Variants in COL6A5 observed in about 807,000 individuals in gnomAD.
The protein encoded by COL6A5 is collagen alpha-5(VI) chain.
COL6A5 carries 48 observed loss-of-function variants against 65.6 expected under a neutral mutation model. The ratio of observed to expected loss-of-function variants is 0.73; its 90% CI spans 0.58 to 0.93. COL6A5 has a LOEUF of 0.93. Ranked by LOEUF, COL6A5 falls within the 40% of genes least tolerant of loss-of-function variation. COL6A5 has a pLI of 0.00. For synonymous variants in COL6A5, 291 were observed against 322.8 expected, an observed-to-expected ratio of 0.90 and a Z score of 1.05; for missense variants, 914 against 928.3, an observed-to-expected ratio of 0.98 and a Z score of 0.20.
At chr3:130,424,414 A>T (rs1307494871) in intron 29 of COL6A5, among the ~76,000 whole-genome samples, 2 of 152,018 alleles carry the variant, frequency 1.3e-5, no homozygotes, top group Non-Finnish European at 2.9e-5. Context: ...CATATCTCCC[A>T]CTGACGAAAT....
rs75411653 is a variant in COL6A5 at position 130,366,104 on chromosome 3, G to A, written c.-28-7507G>A. The stretch of plus-strand genomic sequence containing the variant: ...ATTTGGGGCCTTCATGATTTGGATG[G>A]CAGCTGTGGTCCAATGTCATTTATT... On this transcript the variant is annotated intron_variant and NMD_transcript_variant, in intron 1 of 41. Transcript: ENST00000312481. Among the ~76,000 whole-genome samples, 1,265 of 152,268 alleles carry A rather than the reference G, an allele frequency of 8.3e-3. 17 individuals are homozygous for A. The highest frequency in any genetic ancestry group is 0.029 in the African/African-American group (1,208 of 41,538).
At chr3:130,481,433 T>C (rs1409535233) in intron 7 of COL6A5, among the ~76,000 whole-genome samples, 1 of 152,214 alleles carries the variant, frequency 6.6e-6, no homozygotes, top group African/African-American at 2.4e-5. Flanking sequence ...ATTTTCTTTA[T>C]CCAATCTATC....
intron 1 of COL6A5, among the ~76,000 whole-genome samples, chr3:130,367,319 T>C (rs1935377708): frequency 6.6e-6 from 1 of 152,236 alleles, no homozygotes; most frequent in African/African-American, 2.4e-5. Flanking sequence ...TGTAGACACC[T>C]CTCTACCTGG....
At chr3:130,473,918 T>C (rs1291960370) in intron 7 of COL6A5, among the ~76,000 whole-genome samples, 1 of 152,118 alleles carries the variant, frequency 6.6e-6, no homozygotes, top group Non-Finnish European at 1.5e-5. Flanking sequence ...TTCTTTTGTC[T>C]TAAGTTTTCA....
intron 5 of COL6A5, among the ~76,000 whole-genome samples, chr3:130,464,988 C>G (rs535502967): frequency 1.8e-4 from 27 of 152,166 alleles, no homozygotes; most frequent in Non-Finnish European, 3.7e-4. Flanking sequence ...GTTGGATTTA[C>G]CTCACAACTG....
rs369544760 is a variant in COL6A5, at chr3:130,440,409, G to A, written c.827G>A (p.Gly276Asp). ...TGGGAAAGTTCCAGGAGAAAGATGG[G>A]TACAGTAAAAACAGAGTTTGATTTC... is the stretch of plus-strand genomic sequence containing the variant. Residue 276 changes from glycine (G) to aspartate (D), a missense_variant, in exon 3 of 8, where the codon GGT (glycine) becomes GAT (aspartate). Coordinates refer to ENST00000512836, the Ensembl canonical transcript of COL6A5. The A allele has an allele frequency of 1.9e-6, 3 of 1,613,466 alleles. No individual in the cohort carries two copies. Among genetic ancestry groups the A allele is most frequent in the East Asian group, 2.2e-5 (1 of 44,810 alleles).
intron 4 of COL6A5, among the ~76,000 whole-genome samples, chr3:130,453,118 A>G (rs933676076): frequency 6.6e-6 from 1 of 152,124 alleles, no homozygotes; most frequent in African/African-American, 2.4e-5. Flanking sequence ...CAATCATCAC[A>G]GCGTCCTGAG....
chr3:130,405,704 C>T (rs952042300), intron 14 of COL6A5, 45 bp downstream of exon 14: 8 of 1,384,952 alleles, frequency 5.8e-6, no homozygotes, highest in Non-Finnish European at 8.0e-6. Flanking sequence ...CTGTAACATT[C>T]TCTCCCTCTC....
intron 4 of COL6A5, among the ~76,000 whole-genome samples, chr3:130,449,895 CAGAGGT>C (rs752564604): frequency 5.3e-5 from 8 of 152,114 alleles, no homozygotes; most frequent in Non-Finnish European, 1.0e-4. Flanking sequence ...ATTCCTTTAG[CAGAGGT>C]AGATGCTCTA....
At chr3:130,403,562 T>C (rs750390980) in intron 12 of COL6A5, 47 bp from the exon 13 acceptor site, 1 of 1,391,066 alleles carries the variant, frequency 7.2e-7, no homozygotes, top group South Asian at 1.3e-5. Context: ...AGTTTGACTT[T>C]ATTGGGGGGG....
intron 2 of COL6A5, among the ~76,000 whole-genome samples, chr3:130,374,614 T>A (rs901085233): frequency 6.6e-6 from 1 of 151,994 alleles, no homozygotes. Context: ...CCCCCACACC[T>A]GGCTAATTTT....
At chr3:130,404,807 C>G (rs1441278193) in intron 13 of COL6A5, among the ~76,000 whole-genome samples, 1 of 152,168 alleles carries the variant, frequency 6.6e-6, no homozygotes, top group Non-Finnish European at 1.5e-5. Flanking sequence ...ACTGGCAAGG[C>G]AAGAATTAAG....
chr3:130,357,480 T>C (rs1934962641), intron 1 of COL6A5, among the ~76,000 whole-genome samples: 1 of 152,200 alleles, frequency 6.6e-6, no homozygotes, highest in Non-Finnish European at 1.5e-5. Flanking sequence ...ACATGATTGA[T>C]ACCTGGCAAA....
At chr3:130,482,338 A>C (rs191234079) in intron 7 of COL6A5, among the ~76,000 whole-genome samples, 45 of 152,258 alleles carry the variant, frequency 3.0e-4, no homozygotes, top group African/African-American at 1.1e-3. Context: ...CAGGTTTGTC[A>C]AAGATCAGAT....
At chr3:130,345,964 T>G (rs6797052) in exon 1 of COL6A5, 2 of 398,344 alleles carry the variant, frequency 5.0e-6, no homozygotes, top group Non-Finnish European at 8.8e-6. Context: ...GAGTGTCCCC[T>G]GACCCCGGGA....
chr3:130,365,752 G>A (rs1458607000), intron 1 of COL6A5, among the ~76,000 whole-genome samples: 1 of 152,134 alleles, frequency 6.6e-6, no homozygotes, highest in Non-Finnish European at 1.5e-5. Context: ...CTAACTTAGT[G>A]GTCGTCAACC....
chr3:130,416,951 T>C, intron 24 of COL6A5, 132 bp downstream of exon 24: 1 of 601,836 alleles, frequency 1.7e-6, no homozygotes. Context: ...AGTTCTGGGA[T>C]ACATGTGCAG....
chr3:130,382,513 A>G (rs1379659267), intron 4 of COL6A5, among the ~76,000 whole-genome samples: 1 of 152,188 alleles, frequency 6.6e-6, no homozygotes, highest in Non-Finnish European at 1.5e-5. Context: ...TTAATAATTC[A>G]GTTGCCCAAG....
At chr3:130,411,787 A>T (rs1937183944) in intron 20 of COL6A5, among the ~76,000 whole-genome samples, 1 of 152,206 alleles carries the variant, frequency 6.6e-6, no homozygotes, top group Non-Finnish European at 1.5e-5. Context: ...TAAATCATGG[A>T]CAAACCAGCC....
Sources: allele counts gnomAD v4.1 joint callset (sites outside exome capture counted in the v4.1 genomes callset), GRCh38; gene constraint gnomAD v4.1.1; transcripts MANE v1.5; gene names NCBI Gene and HGNC (gene_info 2026-07-23, HGNC 2026-07-21).